The following RALGPS2 variants were observed in gnomAD, a reference collection of about 807,000 sequenced individuals.
RALGPS2 encodes Ral GEF with PH domain and SH3 binding motif 2.
RALGPS2 carries 43 observed loss-of-function variants against 86.8 expected under a neutral mutation model. That is an observed-to-expected ratio of 0.50 (90% confidence interval 0.39 to 0.64). The LOEUF is 0.64. Ranked by LOEUF, RALGPS2 falls within the 30% of genes least tolerant of loss-of-function variation. The probability of loss-of-function intolerance (pLI) is 0.00; values close to 1 mark genes in which losing one functional copy is unlikely to be tolerated. For missense variants in RALGPS2, 536 were observed against 694.6 expected (o/e 0.77, Z 2.57); for synonymous variants, 243 against 231.3 (o/e 1.05, Z -0.46).
intron 1 of RALGPS2, among the ~76,000 whole-genome samples, chr1:178,744,734 T>C (rs1307864059): frequency 6.7e-6 from 1 of 149,892 alleles, no homozygotes; most frequent in Non-Finnish European, 1.5e-5. Flanking sequence ...GGAGGATCAC[T>C]TGAAACTGGG....
intron 4 of RALGPS2, among the ~76,000 whole-genome samples, chr1:178,798,389 T>C (rs1654307992): frequency 6.6e-6 from 1 of 152,164 alleles, no homozygotes; most frequent in African/African-American, 2.4e-5. Flanking sequence ...CTCCAGTAAA[T>C]TGTGTTATGA....
intron 13 of RALGPS2, 132 bp downstream of exon 13, chr1:178,886,252 G>A (rs1301842449): frequency 1.2e-6 from 1 of 840,446 alleles, no homozygotes; most frequent in East Asian, 2.7e-5. Flanking sequence ...GTTAAATATG[G>A]GATGAAGTTA....
chr1:178,765,756 C>T (rs1402881688), intron 1 of RALGPS2, among the ~76,000 whole-genome samples: 1 of 152,098 alleles, frequency 6.6e-6, no homozygotes, highest in Non-Finnish European at 1.5e-5. Context: ...TCAGAGATCT[C>T]CCTTTGGTAA....
At chr1:178,750,015 G>A (rs1651565382) in intron 1 of RALGPS2, among the ~76,000 whole-genome samples, 1 of 152,156 alleles carries the variant, frequency 6.6e-6, no homozygotes, top group Non-Finnish European at 1.5e-5. Context: ...GAGGGCTGAG[G>A]TGGGAGGATC....
At chr1:178,782,262 C>CCT (rs1472919173) in intron 2 of RALGPS2, among the ~76,000 whole-genome samples, 1 of 152,128 alleles carries the variant, frequency 6.6e-6, no homozygotes, top group Non-Finnish European at 1.5e-5. Flanking sequence ...GTCTTAGATT[C>CCT]TTCTCACCCT....
chr1:178,759,549 A>G (rs1652130218), intron 1 of RALGPS2, among the ~76,000 whole-genome samples: 1 of 144,630 alleles, frequency 6.9e-6, no homozygotes, highest in South Asian at 2.2e-4. Context: ...TTTTTTGCCC[A>G]AGATTGCTTT....
intron 8 of RALGPS2, among the ~76,000 whole-genome samples, chr1:178,847,919 T>C (rs1231032958): frequency 1.3e-5 from 2 of 152,204 alleles, no homozygotes; most frequent in African/African-American, 4.8e-5. Context: ...ATCTCAAATT[T>C]TTAAAATCTG....
intron 8 of RALGPS2, among the ~76,000 whole-genome samples, chr1:178,853,413 A>T (rs1371108584): frequency 2.0e-5 from 3 of 152,086 alleles, no homozygotes; most frequent in African/African-American, 7.2e-5. Flanking sequence ...CCTTTTTGCA[A>T]TTTAATTTTG....
In RALGPS2 at chr1:178,874,505, A is replaced by G. The variant is rs147880634; in HGVS notation, c.608-2993A>G. Among the ~76,000 whole-genome samples, 132 of 152,326 alleles carry G rather than the reference A, an allele frequency of 8.7e-4. 1 individual carries two copies. The highest frequency in any genetic ancestry group is 3.0e-3 in the African/African-American group (126 of 41,574). On this transcript the variant is annotated intron_variant, in intron 8 of 19. Coordinates refer to ENST00000367635, the MANE Select transcript of RALGPS2 (RefSeq NM_152663.5). ...ATGGAAGAATGGCAAGAACTGGCAC[A>G]TTAGTACCCCGCTCAAATCCCACTT... is the stretch of plus-strand genomic sequence containing the variant.
intron 8 of RALGPS2, among the ~76,000 whole-genome samples, chr1:178,856,518 A>T (rs1237015433): frequency 1.4e-5 from 2 of 145,960 alleles, no homozygotes; most frequent in Admixed American, 1.4e-4. Context: ...CAGACTCCCA[A>T]AGTGTTGGGA....
intron 1 of RALGPS2, among the ~76,000 whole-genome samples, chr1:178,770,714 T>G (rs1288714657): frequency 6.6e-6 from 1 of 151,768 alleles, no homozygotes; most frequent in African/African-American, 2.4e-5. Flanking sequence ...TAATCTCAGG[T>G]GATCCATCCA....
At chr1:178,816,443 C>G (rs1655233356) in intron 6 of RALGPS2, among the ~76,000 whole-genome samples, 1 of 151,972 alleles carries the variant, frequency 6.6e-6, no homozygotes, top group Non-Finnish European at 1.5e-5. Context: ...TTTGTCTTAT[C>G]AAGTTGTAGG....
intron 16 of RALGPS2, 80 bp from the exon 17 acceptor site, chr1:178,897,584 G>A: frequency 8.5e-7 from 1 of 1,178,478 alleles, no homozygotes; most frequent in Non-Finnish European, 1.3e-6. Flanking sequence ...AAGTGGACTT[G>A]ATCATTGGCA....
intron 4 of RALGPS2, among the ~76,000 whole-genome samples, chr1:178,786,702 A>G (rs1332944183): frequency 6.6e-6 from 1 of 151,958 alleles, no homozygotes; most frequent in East Asian, 1.9e-4. Flanking sequence ...ATTCCAAAAC[A>G]AAGTCATTGA....
chr1:178,865,066 G>A lies in RALGPS2; in HGVS notation c.608-12432G>A, dbSNP rs77089478. 7.4e-4 allele frequency: 1,119 copies of A among 1,516,584 alleles called. 13 individuals are homozygous for A. The African/African-American group carries it at 0.013, about 18-fold the overall frequency. 93.9% of individuals were successfully genotyped at this position (1,516,584 alleles called of 1,614,324 possible). ...GATAACCTGGATCCCTCTGAATCTC[G>A]TTACCTCCCAGCAGACCAGGAGTAT... On this transcript the variant is annotated intron_variant, in intron 8 of 19. Coordinates refer to ENST00000367635, the MANE Select transcript of RALGPS2 (RefSeq NM_152663.5).
At chr1:178,726,161 G>C (rs1649988584) in intron 1 of RALGPS2, 1 of 152,270 alleles carries the variant, frequency 6.6e-6, no homozygotes, top group African/African-American at 2.4e-5. Flanking sequence ...AAAGCCGGGA[G>C]ATCTGTCTGC....
intron 8 of RALGPS2, among the ~76,000 whole-genome samples, chr1:178,856,234 T>TATATATATATATATATATATATATACAC (rs1368301659): frequency 8.5e-5 from 11 of 128,772 alleles, no homozygotes; most frequent in African/African-American, 2.8e-4. Flanking sequence ...TATATATATA[T>TATATATATATATATATATATATATACAC]GGTTTTGGGT....
At position 178,818,987 on chromosome 1, in the gene RALGPS2, TTTC is replaced by T. The variant is rs1472440701; in HGVS notation, c.388-2622_388-2620del. 5.2e-5 allele frequency among the ~76,000 whole-genome samples: 7 copies of T among 135,450 alleles called. No individual in the cohort carries two copies. In the East Asian group the frequency reaches 1.2e-3, roughly 23 times the overall value. 88.9% of individuals were successfully genotyped at this position (135,450 alleles called of 152,430 possible). A position where few individuals can be genotyped will look rare whatever the true frequency, so the allele number is the denominator to read the frequency against. ...AGCATGAGTTTTTGTTGTTTTTCTT[TTTC>T]TTTTTTTTTTTTTTTTGAGACAGGG... On this transcript the variant is annotated intron_variant, in intron 6 of 19. Transcript: ENST00000367635.
chr1:178,869,890 A>G (rs1040090378), intron 8 of RALGPS2, among the ~76,000 whole-genome samples: 4 of 152,076 alleles, frequency 2.6e-5, no homozygotes, highest in Non-Finnish European at 5.9e-5. Flanking sequence ...TCCCAGATAG[A>G]ATATTGAAGG....
Sources: gnomAD v4.1 joint callset for allele counts (sites outside exome capture counted in the v4.1 genomes callset) on GRCh38, gnomAD v4.1.1 for gene constraint, MANE v1.5 for transcripts, NCBI Gene and HGNC (gene_info 2026-07-23, HGNC 2026-07-21) for gene names.